The following DPP4 variants were observed in gnomAD, a reference collection of about 807,000 sequenced individuals.
The protein encoded by DPP4 is dipeptidyl peptidase 4, also known as ADCP-2.
Under a neutral mutation model 122.4 loss-of-function variants are expected in DPP4, and 93 were observed. The observed-to-expected ratio is 0.76, with a 90% CI of 0.64 to 0.90. The LOEUF is 0.90. DPP4 is among the 40% of genes least tolerant of loss of function. The probability of loss-of-function intolerance (pLI) is 0.00; values close to 1 mark genes in which losing one functional copy is unlikely to be tolerated. For missense variants in DPP4, 914 were observed against 907.3 expected, an observed-to-expected ratio of 1.01 and a Z score of -0.09; for synonymous variants, 321 against 302.9, an observed-to-expected ratio of 1.06 and a Z score of -0.62.
chr2:161,999,624 C>A (rs1701094945), intron 23 of DPP4, among the ~76,000 whole-genome samples: 1 of 152,208 alleles, frequency 6.6e-6, no homozygotes, highest in Admixed American at 6.5e-5. Flanking sequence ...CAAGAAGAAC[C>A]ATCTGTAGCT....
At chr2:162,056,346 T>C (rs1264819714) in intron 2 of DPP4, among the ~76,000 whole-genome samples, 1 of 152,214 alleles carries the variant, frequency 6.6e-6, no homozygotes, top group Non-Finnish European at 1.5e-5. Context: ...ACTCAATAAA[T>C]AGTTGTTGAA....
intron 10 of DPP4, among the ~76,000 whole-genome samples, chr2:162,028,935 A>G (rs1156374769): frequency 1.3e-5 from 2 of 152,144 alleles, no homozygotes; most frequent in African/African-American, 2.4e-5. Context: ...CCCAGTTCAT[A>G]CTCGCTCCCT....
In DPP4 at chr2:161,993,375, C is replaced by T; in HGVS notation, c.2209G>A (p.Asp737Asn). Residue 737 changes from aspartate (D) to asparagine (N), a missense_variant, in exon 26 of 26, where the codon GAT becomes AAT. Physicochemically the swap from Asp to Asn is conservative, Grantham distance 23 (BLOSUM62 1). Coordinates refer to ENST00000360534, the MANE Select transcript of DPP4 (RefSeq NM_001935.4). ...GVDFQAMWYT[D>N]EDHGIASSTA... ...CTGCTAGCTATTCCATGGTCTTCAT[C>T]AGTATACCACTAGAGAGAGAAAGAA... 6.2e-7 allele frequency: 1 copy of T among 1,609,282 alleles called. No individual in the cohort carries two copies. The highest frequency in any genetic ancestry group is 8.5e-7 in the Non-Finnish European group (1 of 1,176,124).
intron 10 of DPP4, among the ~76,000 whole-genome samples, chr2:162,026,245 A>C (rs181215938): frequency 6.6e-6 from 1 of 152,156 alleles, no homozygotes; most frequent in East Asian, 1.9e-4. Flanking sequence ...CATCATCCCC[A>C]TTTTACAGCT....
chr2:162,053,959 G>A lies in DPP4; in HGVS notation c.95-6458C>T, dbSNP rs1347490773. ...GTCACCAGCATGCAATGTCAGCCGGGAGAGTCACAGGCACAAGACTTCAAC... is the reference window on the plus strand; with the variant it reads ...GTCACCAGCATGCAATGTCAGCCGGAAGAGTCACAGGCACAAGACTTCAAC... On this transcript the variant is annotated intron_variant, in intron 2 of 25. Transcript: ENST00000360534. Among the ~76,000 whole-genome samples, 3 of 152,108 alleles carry A rather than the reference G, an allele frequency of 2.0e-5. No homozygotes were observed. The East Asian group carries it at 5.8e-4, about 29-fold the overall frequency.
chr2:162,018,946 A>G (rs1683018960), intron 15 of DPP4, 96 bp from the exon 16 acceptor site: 2 of 1,488,256 alleles, frequency 1.3e-6, no homozygotes, highest in African/African-American at 2.8e-5. Flanking sequence ...AGACAGCAGC[A>G]TGCCAACGCA....
At position 162,038,932 on chromosome 2, in the gene DPP4, T is replaced by C. The variant is rs779472479; in HGVS notation, c.492+17A>G. On this transcript the variant is annotated intron_variant, in intron 7 of 25. Transcript: ENST00000360534. The stretch of plus-strand genomic sequence containing the variant: ...TTTGAGCCTATATTTTTCTGACAAC[T>C]GGAGAGACTCACTAACCAATTTATG... 1.9e-6 allele frequency: 3 copies of C among 1,612,214 alleles called. No individual in the cohort carries two copies. Among genetic ancestry groups the C allele is most frequent in the Non-Finnish European group, 2.5e-6 (3 of 1,178,442 alleles).
intron 22 of DPP4, among the ~76,000 whole-genome samples, chr2:162,007,606 T>G (rs1701315459): frequency 6.6e-6 from 1 of 152,156 alleles, no homozygotes; most frequent in Non-Finnish European, 1.5e-5. Context: ...TTCATATTTT[T>G]AAACTTACAA....
At chr2:162,055,462 C>T (rs1295458929) in intron 2 of DPP4, among the ~76,000 whole-genome samples, 3 of 151,884 alleles carry the variant, frequency 2.0e-5, no homozygotes, top group Admixed American at 6.6e-5. Flanking sequence ...TTTGGGAGGC[C>T]GAGATGGGTG....
rs565859811 is a variant in DPP4 at position 162,024,939 on chromosome 2, C to T, written c.888G>A (p.Gly296=). ...QITAPASMLI[G]DHYLCDVTWA... Reference sequence around the variant, plus strand: ...ATGTCACATCACACAAGTAGTGATCCCTGGAAGGAAGAAAGAAAGGAAGGA... The same window carrying T: ...ATGTCACATCACACAAGTAGTGATCTCTGGAAGGAAGAAAGAAAGGAAGGA... Residue 296 remains glycine (G), a splice_region_variant and synonymous_variant, in exon 11 of 26, where the codon GGG becomes GGA. Coordinates refer to ENST00000360534, the MANE Select transcript of DPP4 (RefSeq NM_001935.4). 3.1e-6 allele frequency: 5 copies of T among 1,612,404 alleles called. No homozygotes were observed. The South Asian group carries it at 5.5e-5, about 18-fold the overall frequency.
intron 12 of DPP4, among the ~76,000 whole-genome samples, chr2:162,021,897 G>T (rs1683143543): frequency 6.6e-6 from 1 of 151,926 alleles, no homozygotes; most frequent in South Asian, 2.1e-4. Flanking sequence ...AATGCCTGAA[G>T]AAAAAGGACG....
Position 161,992,513 on chromosome 2 carries a change from C to T in DPP4, c.*770G>A, listed in dbSNP as rs892171738. 4 of 152,606 alleles carry T rather than the reference C, an allele frequency of 2.6e-5. No homozygotes were observed. The highest frequency in any genetic ancestry group is 9.7e-5 in the African/African-American group (4 of 41,428). The allele number at this position is 152,606 out of a possible 1,614,324, so 9.5% of individuals were successfully genotyped here. A position where few individuals can be genotyped will look rare whatever the true frequency, so the allele number is the denominator to read the frequency against. ...TGTTCACATCTCAGTTTCAAGCTGCCTCTTTCACTAGGAACATCAGTATTT... is the reference window on the plus strand; with the variant it reads ...TGTTCACATCTCAGTTTCAAGCTGCTTCTTTCACTAGGAACATCAGTATTT... On this transcript the variant is annotated 3_prime_UTR_variant, in exon 26 of 26. Transcript: ENST00000360534.
chr2:162,053,714 C>T (rs901353352), intron 2 of DPP4, among the ~76,000 whole-genome samples: 18 of 152,214 alleles, frequency 1.2e-4, no homozygotes, highest in Non-Finnish European at 2.5e-4. Flanking sequence ...CATGTATAAG[C>T]TATAAACCTT....
chr2:162,014,407 T>C lies in DPP4; in HGVS notation c.1626A>G (p.Leu542=). ...PHFDKSKKYP[L]LLDVYAGPCS... is the part of the protein sequence containing the mutation. ...TCTTGAATACTTACACATCTAATAG[T>C]AGAGGATATTTCTTGGATTTATCAA... Residue 542 remains leucine (L), a synonymous_variant, in exon 19 of 26, where the codon CTA becomes CTG. Coordinates refer to ENST00000360534, the MANE Select transcript of DPP4 (RefSeq NM_001935.4). 3 of 1,606,972 alleles carry C rather than the reference T, an allele frequency of 1.9e-6. No individual in the cohort carries two copies. Among genetic ancestry groups the C allele is most frequent in the Non-Finnish European group, 2.6e-6 (3 of 1,175,580 alleles).
intron 2 of DPP4, among the ~76,000 whole-genome samples, chr2:162,059,933 G>A (rs1373227334): frequency 6.6e-6 from 1 of 152,142 alleles, no homozygotes; most frequent in Admixed American, 6.6e-5. Flanking sequence ...GTTGTTCTAG[G>A]CAATGTAGAC....
chr2:162,035,296 C>G lies in DPP4; in HGVS notation c.642G>C (p.Leu214=). The G allele has an allele frequency of 6.2e-7, 1 of 1,613,930 alleles. No individual in the cohort carries two copies. Among genetic ancestry groups the G allele is most frequent in the South Asian group, 1.1e-5 (1 of 91,060 alleles). The change falls in exon 9 of 26, where the codon CTG becomes CTC. Residue 214 remains leucine, a synonymous_variant. Transcript: ENST00000360534. ...EEEVFSAYSA[L]WWSPNGTFLA... ...AAAAAGTGCCGTTTGGAGACCACCA[C>G]AGAGCAGAGTAGGCACTGAAGACTT...
chr2:162,003,122 G>A (rs186808273), intron 23 of DPP4, among the ~76,000 whole-genome samples: 14 of 152,286 alleles, frequency 9.2e-5, no homozygotes, highest in African/African-American at 2.9e-4. Context: ...GACTCCTGGC[G>A]TGGAAGGATT....
At chr2:162,071,762 A>C (rs1246112188) in intron 2 of DPP4, among the ~76,000 whole-genome samples, 1 of 152,236 alleles carries the variant, frequency 6.6e-6, no homozygotes, top group Non-Finnish European at 1.5e-5. Context: ...GCTATTTAGC[A>C]GAAATGGCAA....
intron 22 of DPP4, 24 bp downstream of exon 22, chr2:162,008,536 CTT>C: frequency 1.3e-6 from 2 of 1,599,424 alleles, no homozygotes; most frequent in Admixed American, 1.7e-5. Flanking sequence ...CTCCGTATCT[CTT>C]TGTACCTGGC....
Sources: gnomAD v4.1 joint callset for allele counts (sites outside exome capture counted in the v4.1 genomes callset) on GRCh38, gnomAD v4.1.1 for gene constraint, MANE v1.5 for transcripts, NCBI Gene and HGNC (gene_info 2026-07-23, HGNC 2026-07-21) for gene names.